The following CSMD1 variants were observed in gnomAD, a reference collection of about 807,000 sequenced individuals.
The protein encoded by CSMD1 is CUB and sushi domain-containing protein 1.
Under a neutral mutation model 417.5 loss-of-function variants are expected in CSMD1, and 213 were observed. That is an observed-to-expected ratio of 0.51 (90% confidence interval 0.46 to 0.57). CSMD1 has a LOEUF of 0.57. Ranked by LOEUF, CSMD1 falls within the 20% of genes least tolerant of loss-of-function variation. The pLI is 0.00. For synonymous variants in CSMD1, 2,862 were observed against 1,736.8 expected (o/e 1.65, Z -16.11); for missense variants, 6,923 against 4,529.7 (o/e 1.53, Z -15.17).
At chr8:3,117,193 C>T (rs1816924631) in intron 42 of CSMD1, among the ~76,000 whole-genome samples, 1 of 152,138 alleles carries the variant, frequency 6.6e-6, no homozygotes, top group African/African-American at 2.4e-5. Flanking sequence ...ACCTCAGCCT[C>T]TGGAGTAGCT....
intron 4 of CSMD1, among the ~76,000 whole-genome samples, chr8:4,025,476 G>T (rs1053754550): frequency 6.6e-6 from 1 of 152,170 alleles, no homozygotes; most frequent in Non-Finnish European, 1.5e-5. Flanking sequence ...AGCAAATTAA[G>T]AAGGCATTTA....
At chr8:4,934,242 G>A (rs1374883027) in intron 1 of CSMD1, among the ~76,000 whole-genome samples, 1 of 151,942 alleles carries the variant, frequency 6.6e-6, no homozygotes, top group Non-Finnish European at 1.5e-5. Context: ...ATCCCCCAAG[G>A]CAGAAAAAAA....
chr8:4,925,282 T>C (rs1806781329), intron 1 of CSMD1, among the ~76,000 whole-genome samples: 2 of 122,920 alleles, frequency 1.6e-5, no homozygotes, highest in South Asian at 5.5e-4. Context: ...GGCTCAAGAG[T>C]TCAACTTGAA....
At chr8:3,679,801 C>T (rs1348392627) in intron 7 of CSMD1, among the ~76,000 whole-genome samples, 1 of 152,170 alleles carries the variant, frequency 6.6e-6, no homozygotes, top group African/African-American at 2.4e-5. Context: ...CTCTCCTCAG[C>T]AAATGTAAAA....
chr8:4,647,547 C>G (rs1249351860), intron 1 of CSMD1, among the ~76,000 whole-genome samples: 2 of 152,166 alleles, frequency 1.3e-5, no homozygotes, highest in African/African-American at 4.8e-5. Context: ...TTGACCCCTC[C>G]TCTAAGTTCC....
intron 1 of CSMD1, among the ~76,000 whole-genome samples, chr8:4,942,905 T>C (rs980769747): frequency 1.3e-5 from 2 of 152,242 alleles, no homozygotes; most frequent in Non-Finnish European, 2.9e-5. Flanking sequence ...GATATAAACA[T>C]TGAAACAATG....
chr8:3,815,590 AAT>A (rs1801324506), intron 5 of CSMD1, among the ~76,000 whole-genome samples: 1 of 151,606 alleles, frequency 6.6e-6, no homozygotes, highest in African/African-American at 2.4e-5. Flanking sequence ...CATAAAAATT[AAT>A]ATGACTTAAA....
intron 1 of CSMD1, among the ~76,000 whole-genome samples, chr8:4,750,920 C>T (rs1009463844): frequency 6.6e-6 from 1 of 152,156 alleles, no homozygotes; most frequent in Non-Finnish European, 1.5e-5. Context: ...TGGATAGCTC[C>T]ATTGCCTGGC....
chr8:3,310,843 C>T (rs907791080), intron 23 of CSMD1, among the ~76,000 whole-genome samples: 4 of 151,318 alleles, frequency 2.6e-5, no homozygotes, highest in African/African-American at 9.7e-5. Flanking sequence ...CCCAATGTGA[C>T]CCGAACTTCT....
Position 4,634,653 on chromosome 8 carries a change from T to C in CSMD1, c.302+2689A>G, listed in dbSNP as rs529872540. Among the ~76,000 whole-genome samples the C allele has an allele frequency of 3.3e-5, 5 of 152,304 alleles. No individual in the cohort carries two copies. In the South Asian group the frequency reaches 8.3e-4, roughly 25 times the overall value. ...AGCTGCCTTAAGGGTTGCTACTTAATTGCGTTTGAGAAATAAACAACTGTT... is the reference window on the plus strand; with the variant it reads ...AGCTGCCTTAAGGGTTGCTACTTAACTGCGTTTGAGAAATAAACAACTGTT... On this transcript the variant is annotated intron_variant, in intron 2 of 69. Transcript: ENST00000635120.
intron 10 of CSMD1, among the ~76,000 whole-genome samples, chr8:3,567,334 T>C (rs1414390959): frequency 1.3e-5 from 2 of 152,030 alleles, no homozygotes; most frequent in African/African-American, 4.8e-5. Flanking sequence ...GCTTAATACC[T>C]GGGTGATGAA....
intron 3 of CSMD1, among the ~76,000 whole-genome samples, chr8:4,099,110 T>C (rs940293644): frequency 6.6e-6 from 1 of 152,022 alleles, no homozygotes; most frequent in Non-Finnish European, 1.5e-5. Flanking sequence ...TCTTTTTTTG[T>C]CCATCTCTGC....
intron 3 of CSMD1, among the ~76,000 whole-genome samples, chr8:4,379,665 T>C (rs942730920): frequency 4.6e-5 from 7 of 150,928 alleles, no homozygotes; most frequent in African/African-American, 1.7e-4. Flanking sequence ...TTTTTGAAAT[T>C]AGTTCTTACA....
chr8:4,281,478 C>G (rs1258179096), intron 3 of CSMD1, among the ~76,000 whole-genome samples: 1 of 152,188 alleles, frequency 6.6e-6, no homozygotes, highest in Non-Finnish European at 1.5e-5. Flanking sequence ...CTCCAACCTT[C>G]TGTTTCAAAT....
intron 11 of CSMD1, among the ~76,000 whole-genome samples, chr8:3,473,182 C>G (rs1817205985): frequency 6.6e-6 from 1 of 152,188 alleles, no homozygotes; most frequent in Non-Finnish European, 1.5e-5. Flanking sequence ...AAGTTCTATA[C>G]TGAACTTTGC....
At chr8:4,204,569 A>G (rs1027906881) in intron 3 of CSMD1, among the ~76,000 whole-genome samples, 1 of 152,188 alleles carries the variant, frequency 6.6e-6, no homozygotes, top group Admixed American at 6.5e-5. Flanking sequence ...TTCTATACTG[A>G]GAGGAAGATT....
intron 1 of CSMD1, among the ~76,000 whole-genome samples, chr8:4,818,538 C>T (rs1003845158): frequency 1.3e-5 from 2 of 152,156 alleles, no homozygotes; most frequent in Admixed American, 1.3e-4. Flanking sequence ...ATTATATAGG[C>T]ATGAATCCAG....
intron 5 of CSMD1, among the ~76,000 whole-genome samples, chr8:3,976,176 A>G (rs955500774): frequency 6.6e-6 from 1 of 152,118 alleles, no homozygotes; most frequent in Non-Finnish European, 1.5e-5. Flanking sequence ...TTCAAATACG[A>G]GATAACTTAT....
intron 6 of CSMD1, among the ~76,000 whole-genome samples, chr8:3,742,610 G>A (rs74706909): frequency 0.075 from 11,441 of 152,094 alleles, 492 homozygotes; most frequent in East Asian, 0.13. Context: ...ACCCTAGGAC[G>A]TGCCCAGGTC....
Sources: gnomAD v4.1 joint callset for allele counts (sites outside exome capture counted in the v4.1 genomes callset) on GRCh38, gnomAD v4.1.1 for gene constraint, MANE v1.5 for transcripts, NCBI Gene and HGNC (gene_info 2026-07-23, HGNC 2026-07-21) for gene names.